IFT46: variants seen among roughly 807,000 people sequenced by gnomAD.
The protein encoded by IFT46 is intraflagellar transport protein 46 homolog.
A neutral mutation model predicts 39.6 loss-of-function variants in IFT46; 19 were observed. The observed-to-expected ratio is 0.48, with a 90% CI of 0.33 to 0.70. The LOEUF is 0.70. Ranked by LOEUF, IFT46 falls within the 30% of genes least tolerant of loss-of-function variation. IFT46 has a pLI of 0.01. For synonymous variants in IFT46, 117 were observed against 134.8 expected (o/e 0.87, Z 0.91); for missense variants, 334 against 364.8 (o/e 0.92, Z 0.69).
upstream of IFT46, among the ~76,000 whole-genome samples, chr11:118,574,274 A>G (rs150579661): frequency 8.7e-4 from 133 of 152,310 alleles, no homozygotes; most frequent in Non-Finnish European, 1.2e-3. Context: ...AGACATTGGT[A>G]TGATTTCTGT....
chr11:118,545,975 C>T (rs782527168), intron 9 of IFT46, 122 bp from the exon 10 acceptor site: 35 of 818,000 alleles, frequency 4.3e-5, no homozygotes, highest in Non-Finnish European at 7.0e-5. Context: ...GAAATGTGTT[C>T]CCCTAAAATT....
upstream of IFT46, among the ~76,000 whole-genome samples, chr11:118,575,213 C>T (rs556893406): frequency 1.3e-5 from 2 of 152,216 alleles, no homozygotes; most frequent in African/African-American, 4.8e-5. Flanking sequence ...CTCCTCACCT[C>T]GTGATCTGCC....
chr11:118,549,136 TG>T (rs371661346), intron 9 of IFT46, among the ~76,000 whole-genome samples: 30 of 151,586 alleles, frequency 2.0e-4, no homozygotes, highest in African/African-American at 7.0e-4. Flanking sequence ...TGGCCTCAGG[TG>T]ATGCGCCCAC....
chr11:118,560,804 C>A (rs782009775), intron 2 of IFT46: 1 of 735,308 alleles, frequency 1.4e-6, no homozygotes, highest in Non-Finnish European at 2.5e-6. Flanking sequence ...CTTGGTGATA[C>A]AGGATAAAAA....
chr11:118,568,427 C>G (rs1555071875), upstream of IFT46, among the ~76,000 whole-genome samples: 1 of 151,980 alleles, frequency 6.6e-6, no homozygotes, highest in Non-Finnish European at 1.5e-5. Context: ...TGGTGCATGC[C>G]TGTAATCCTA....
intron 2 of IFT46, among the ~76,000 whole-genome samples, chr11:118,564,274 G>A (rs1938155641): frequency 6.6e-6 from 1 of 150,506 alleles, no homozygotes; most frequent in South Asian, 2.1e-4. Context: ...CTCCATCAGT[G>A]TGCACTTACC....
At chr11:118,557,550 C>A in intron 3 of IFT46, 1 of 638,422 alleles carries the variant, frequency 1.6e-6, no homozygotes, top group African/African-American at 1.9e-5. Context: ...AGTTCAAAAT[C>A]AACCTTGTGC....
At chr11:118,550,590 G>A (rs1555068147) in intron 9 of IFT46, among the ~76,000 whole-genome samples, 1 of 152,092 alleles carries the variant, frequency 6.6e-6, no homozygotes, top group African/African-American at 2.4e-5. Context: ...TAGGACTACA[G>A]GCATGAGCCA....
Position 118,548,326 on chromosome 11 carries a change from C to T in IFT46, c.673-2473G>A, listed in dbSNP as rs575379135. On this transcript the variant is annotated intron_variant, in intron 9 of 11. Transcript: ENST00000264021. ...GTGTCTATTGGTATGTAGAACCTTT[C>T]ATTTCTATGAGTTTAAACTGTCACA... Among the ~76,000 whole-genome samples, 108 of 149,298 alleles carry T rather than the reference C, an allele frequency of 7.2e-4. 5 individuals carry two copies. The highest frequency in any genetic ancestry group is 2.3e-3 in the African/African-American group (92 of 40,264).
At chr11:118,575,511 T>A (rs892618893), upstream of IFT46, among the ~76,000 whole-genome samples, 2 of 152,234 alleles carry the variant, frequency 1.3e-5, no homozygotes, top group Non-Finnish European at 2.9e-5. Flanking sequence ...TAAATTACTT[T>A]TCAAGTTTTA....
In IFT46 at chr11:118,545,403, G is replaced by T; in HGVS notation, c.819+6C>A. 1 of 1,598,378 alleles carries T rather than the reference G, an allele frequency of 6.3e-7. No homozygotes were observed. Among genetic ancestry groups the T allele is most frequent in the Non-Finnish European group, 8.6e-7 (1 of 1,165,784 alleles). On this transcript the variant is annotated splice_donor_region_variant and intron_variant, in intron 11 of 11. Coordinates refer to ENST00000264021, the MANE Select transcript of IFT46 (RefSeq NM_001168618.2). The stretch of plus-strand genomic sequence containing the variant: ...AGCTTAAGTCAACCCCTGATGCTTG[G>T]CTCACCTGTGAGTTCTTGAATTCTG...
At chr11:118,572,596 C>T (rs1555072649) in exon 1 of IFT46, 3 of 1,595,654 alleles carry the variant, frequency 1.9e-6, no homozygotes, top group East Asian at 2.3e-5. Flanking sequence ...CGAGCCTCAC[C>T]GTCTCTCCTT....
intron 9 of IFT46, among the ~76,000 whole-genome samples, chr11:118,549,720 T>C (rs574564588): frequency 6.6e-6 from 1 of 151,802 alleles, no homozygotes; most frequent in South Asian, 2.1e-4. Flanking sequence ...AGATGGGGTT[T>C]CACCATGTTG....
rs560281915 is a variant in IFT46 at position 118,563,891 on chromosome 11, C to A, written c.-36+1074G>T. On this transcript the variant is annotated intron_variant, in intron 2 of 11. Coordinates refer to ENST00000264021, the MANE Select transcript of IFT46 (RefSeq NM_001168618.2). The stretch of plus-strand genomic sequence containing the variant: ...TTACATGTCACCCCTTTAGGTCTTC[C>A]CTGACCACCCTATCAAAAGTGGGTT... Among the ~76,000 whole-genome samples the A allele has an allele frequency of 2.4e-4, 37 of 152,074 alleles. No homozygotes were observed. In the South Asian group the frequency reaches 4.8e-3, roughly 20 times the overall value.
At position 118,561,203 on chromosome 11, in the gene IFT46, G is replaced by A. The variant is rs1802684; in HGVS notation, c.-35-1339C>T. On this transcript the variant is annotated intron_variant, in intron 2 of 11. Transcript: ENST00000264021. ...GGGAGCTGTGGATGGAGGCTTGTCTGTCCCTCACAGTACCAAACGATTCCC... is the reference window on the plus strand; with the variant it reads ...GGGAGCTGTGGATGGAGGCTTGTCTATCCCTCACAGTACCAAACGATTCCC... The A allele has an allele frequency of 3.6e-3, 4,939 of 1,376,086 alleles. 135 individuals are homozygous for A. In the African/African-American group the frequency reaches 0.059, roughly 17 times the overall value. The allele number at this position is 1,376,086 out of a possible 1,614,324, so 85.2% of individuals were successfully genotyped here.
upstream of IFT46, among the ~76,000 whole-genome samples, chr11:118,569,993 T>C (rs1938303261): frequency 6.6e-6 from 1 of 151,266 alleles, no homozygotes; most frequent in South Asian, 2.1e-4. Context: ...CCAATTCTCA[T>C]GCCTCAGCTT....
At chr11:118,566,710 A>G (rs963640500), upstream of IFT46, among the ~76,000 whole-genome samples, 5 of 152,136 alleles carry the variant, frequency 3.3e-5, no homozygotes, top group Non-Finnish European at 4.4e-5. Flanking sequence ...ATTTTTTTTC[A>G]CTCTGTGTCC....
chr11:118,552,920 TA>T (rs139584869), intron 7 of IFT46, among the ~76,000 whole-genome samples: 23,782 of 133,418 alleles, frequency 0.18, 2,372 homozygotes, highest in East Asian at 0.52. Flanking sequence ...AAATAAAAAT[TA>T]AAAAAAAAAA....
At chr11:118,548,172 C>T (rs375474219) in intron 9 of IFT46, among the ~76,000 whole-genome samples, 22 of 149,404 alleles carry the variant, frequency 1.5e-4, no homozygotes, top group Middle Eastern at 3.2e-3. Context: ...TGTGAGCTAC[C>T]GTGCCTGGCC....
Sources: gnomAD v4.1 joint callset for allele counts (sites outside exome capture counted in the v4.1 genomes callset) on GRCh38, gnomAD v4.1.1 for gene constraint, MANE v1.5 for transcripts, NCBI Gene and HGNC (gene_info 2026-07-23, HGNC 2026-07-21) for gene names.